The following RLBP1 variants were observed in gnomAD, a reference collection of about 807,000 sequenced individuals.
The protein encoded by RLBP1 is retinaldehyde binding protein 1, also known as retinaldehyde-binding protein 1.
Under a neutral mutation model 36.2 loss-of-function variants are expected in RLBP1, and 26 were observed. The observed-to-expected ratio is 0.72, with a 90% CI of 0.53 to 1.00. The LOEUF (loss-of-function observed/expected upper bound fraction) is 1.00, where lower values mean the gene tolerates loss of function less well. Ranked by LOEUF, RLBP1 falls within the 50% of genes least tolerant of loss-of-function variation. The pLI, the probability that RLBP1 is intolerant of heterozygous loss-of-function variation, is 0.00. For synonymous variants in RLBP1, 155 were observed against 156.2 expected (o/e 0.99, Z 0.06); for missense variants, 410 against 402.4 (o/e 1.02, Z -0.16).
intron 6 of RLBP1, among the ~76,000 whole-genome samples, chr15:89,212,264 T>C (rs2051544518): frequency 6.6e-6 from 1 of 152,162 alleles, no homozygotes; most frequent in African/African-American, 2.4e-5. Context: ...TATATTATTG[T>C]AGAATATAAT....
intron 4 of RLBP1, 147 bp from the exon 5 acceptor site, chr15:89,217,471 A>G (rs1314430056): frequency 1.3e-6 from 1 of 750,340 alleles, no homozygotes; most frequent in Non-Finnish European, 2.3e-6. Flanking sequence ...CCCCAGGGGC[A>G]GCATCTGCAC....
In RLBP1 at chr15:89,210,229, A is replaced by G; in HGVS notation, c.*56T>C. The G allele has an allele frequency of 6.2e-7, 1 of 1,601,052 alleles. No homozygotes were observed. Among genetic ancestry groups the G allele is most frequent in the Non-Finnish European group, 8.5e-7 (1 of 1,171,558 alleles). On this transcript the variant is annotated 3_prime_UTR_variant, in exon 9 of 9. Transcript: ENST00000268125. This position sits in a 1 kb window ranked among gnomAD's most constrained non-coding sequence, Gnocchi z 4.7. ...GCCCTTTCCTAGCCTTGGGTCCAGG[A>G]CAGTTGAGGAGAGGCCCAGAGATTC...
intron 6 of RLBP1, among the ~76,000 whole-genome samples, chr15:89,212,791 C>T (rs945821807): frequency 4.6e-4 from 69 of 151,280 alleles, no homozygotes; most frequent in African/African-American, 1.6e-3. Context: ...TGCAGTGGTG[C>T]GATCTTGGCT....
At chr15:89,217,836 G>A (rs1280421705) in intron 4 of RLBP1, among the ~76,000 whole-genome samples, 1 of 152,188 alleles carries the variant, frequency 6.6e-6, no homozygotes, top group Non-Finnish European at 1.5e-5. Flanking sequence ...CTGGCAGATG[G>A]CAGCCTGCCT....
At chr15:89,219,101 G>A in intron 2 of RLBP1, 26 bp from the exon 3 acceptor site, 1 of 1,089,326 alleles carries the variant, frequency 9.2e-7, no homozygotes, top group Non-Finnish European at 1.4e-6. Flanking sequence ...AAACCATTCT[G>A]TTATTGTCTC....
chr15:89,209,997 A>G lies in RLBP1; in HGVS notation c.*288T>C. The G allele has an allele frequency of 2.1e-6, 1 of 473,420 alleles. No homozygotes were observed. The highest frequency in any genetic ancestry group is 2.4e-5 in the South Asian group (1 of 42,026). 29.3% of individuals were successfully genotyped at this position (473,420 alleles called of 1,614,324 possible). On this transcript the variant is annotated 3_prime_UTR_variant, in exon 9 of 9. Coordinates refer to ENST00000268125, the MANE Select transcript of RLBP1 (RefSeq NM_000326.5). Reference sequence around the variant, plus strand: ...TGTTACAAAGGAAATGACTGAGAAAATGAATTCGAGTCTTTGAAATACAAC... The same window carrying G: ...TGTTACAAAGGAAATGACTGAGAAAGTGAATTCGAGTCTTTGAAATACAAC...
rs1411414410 is a variant in RLBP1 at position 89,210,474 on chromosome 15, C to A, written c.796-31G>T. 10 of 1,613,244 alleles carry A rather than the reference C, an allele frequency of 6.2e-6. No homozygotes were observed. The highest frequency in any genetic ancestry group is 7.6e-6 in the Non-Finnish European group (9 of 1,179,384). Reference sequence around the variant, plus strand: ...GGGAAGCAAGGGAGACAGAACTGAGCAGGAGGAGGTGCCCTAAGGATGAGG... The same window carrying A: ...GGGAAGCAAGGGAGACAGAACTGAGAAGGAGGAGGTGCCCTAAGGATGAGG... On this transcript the variant is annotated intron_variant, in intron 8 of 8. Transcript: ENST00000268125. The surrounding 1 kb of genome is among the most constrained non-coding windows in gnomAD (Gnocchi z 4.7).
At position 89,219,154 on chromosome 15, in the gene RLBP1, G is replaced by C. The variant is rs115944065; in HGVS notation, c.-100-79C>G. The C allele has an allele frequency of 2.3e-3, 1,690 of 738,762 alleles. 15 individuals carry two copies. The African/African-American group carries it at 0.024, about 11-fold the overall frequency. 45.8% of individuals were successfully genotyped at this position (738,762 alleles called of 1,614,324 possible). A position where few individuals can be genotyped will look rare whatever the true frequency, so the allele number is the denominator to read the frequency against. ...ACTTTCAATTGCATCAGAATCACCC[G>C]AGGCATTTGTTAGAAACGCAGGTGC... is the stretch of plus-strand genomic sequence containing the variant. On this transcript the variant is annotated intron_variant, in intron 2 of 8. Coordinates refer to ENST00000268125, the MANE Select transcript of RLBP1 (RefSeq NM_000326.5).
intron 1 of RLBP1, among the ~76,000 whole-genome samples, 190 bp from the exon 2 acceptor site, chr15:89,220,049 C>T (rs2051614212): frequency 6.6e-6 from 1 of 152,208 alleles, no homozygotes; most frequent in African/African-American, 2.4e-5. Context: ...AAGAACCCTT[C>T]ACCATCCTGC....
chr15:89,218,836 G>A lies in RLBP1; in HGVS notation c.12+128C>T. The A allele has an allele frequency of 6.7e-7, 1 of 1,497,526 alleles. No homozygotes were observed. The highest frequency in any genetic ancestry group is 1.4e-5 in the African/African-American group (1 of 72,906). 92.8% of individuals were successfully genotyped at this position (1,497,526 alleles called of 1,614,324 possible). On this transcript the variant is annotated intron_variant, in intron 3 of 8. Coordinates refer to ENST00000268125, the MANE Select transcript of RLBP1 (RefSeq NM_000326.5). This position sits in a 1 kb window ranked among gnomAD's most constrained non-coding sequence, Gnocchi z 4.6. ...TTTGTGGGGTCAGGACCCACACAGG[G>A]GTTATAGAAGTGTGTGCCTATATTC...
At position 89,210,520 on chromosome 15, in the gene RLBP1, G is replaced by C; in HGVS notation, c.796-77C>G. 6.6e-7 allele frequency: 1 copy of C among 1,513,624 alleles called. No homozygotes were observed. The highest frequency in any genetic ancestry group is 9.2e-7 in the Non-Finnish European group (1 of 1,091,540). The allele number at this position is 1,513,624 out of a possible 1,614,324, so 93.8% of individuals were successfully genotyped here. A position where few individuals can be genotyped will look rare whatever the true frequency, so the allele number is the denominator to read the frequency against. The stretch of plus-strand genomic sequence containing the variant: ...TGAGGGTTGAGGGAGGAAAGGGGCA[G>C]GAGGACAAAGCCCCATCATGTGCAG... On this transcript the variant is annotated intron_variant, in intron 8 of 8. Coordinates refer to ENST00000268125, the MANE Select transcript of RLBP1 (RefSeq NM_000326.5). The surrounding 1 kb of genome is among the most constrained non-coding windows in gnomAD (Gnocchi z 4.7).
chr15:89,212,051 C>A (rs2051542952), intron 6 of RLBP1, 150 bp from the exon 7 acceptor site: 1 of 832,224 alleles, frequency 1.2e-6, no homozygotes, highest in Non-Finnish European at 2.0e-6. Flanking sequence ...TGAATGTATA[C>A]CAAGAAAACA....
At chr15:89,212,748 A>ATTT (rs2051549523) in intron 6 of RLBP1, among the ~76,000 whole-genome samples, 3 of 145,764 alleles carry the variant, frequency 2.1e-5, no homozygotes, top group African/African-American at 7.6e-5. Context: ...TTTTTTTTTG[A>ATTT]GATGGAGTCT....
In RLBP1 at chr15:89,214,727, G is replaced by T. The variant is rs1323544468; in HGVS notation, c.525+333C>A. ...TAGTCCACTAATCCCTGTTCTCTCT[G>T]TTGCTCTCAGCATTTAGCATGTGGC... On this transcript the variant is annotated intron_variant, in intron 6 of 8. Transcript: ENST00000268125. This position sits in a 1 kb window ranked among gnomAD's most constrained non-coding sequence, Gnocchi z 4.6. Among the ~76,000 whole-genome samples the T allele has an allele frequency of 6.6e-6, 1 of 152,172 alleles. No individual in the cohort carries two copies. Among genetic ancestry groups the T allele is most frequent in the African/African-American group, 2.4e-5 (1 of 41,446 alleles).
chr15:89,215,222 C>T lies in RLBP1; in HGVS notation c.363G>A (p.Arg121=), dbSNP rs763353589. The T allele has an allele frequency of 7.7e-5, 124 of 1,614,024 alleles. 1 individual carries two copies. In the Admixed American group the frequency reaches 2.0e-3, roughly 26 times the overall value. ...TGTCAAAGAGCTCAGGGTACTGCAG[C>T]CGGAAATTCACATAGCCTGGAGGAA... is the stretch of plus-strand genomic sequence containing the variant. The part of the protein sequence containing the change: ...YELLRGYVNF[R]LQYPELFDSL... The change falls in exon 6 of 9, where the codon CGG becomes CGA. Residue 121 remains arginine, a synonymous_variant. Transcript: ENST00000268125.
At chr15:89,216,614 A>G (rs1316837512) in intron 5 of RLBP1, among the ~76,000 whole-genome samples, 1 of 152,194 alleles carries the variant, frequency 6.6e-6, no homozygotes, top group Non-Finnish European at 1.5e-5. Flanking sequence ...GAGCCACCGC[A>G]ACCGGCCGAT....
Position 89,210,448 on chromosome 15 carries a change from A to C in RLBP1, c.796-5T>G, listed in dbSNP as rs879724202. 1.2e-6 allele frequency: 2 copies of C among 1,614,138 alleles called. No homozygotes were observed. The highest frequency in any genetic ancestry group is 2.2e-5 in the East Asian group (1 of 44,874). On this transcript the variant is annotated splice_polypyrimidine_tract_variant and splice_region_variant and intron_variant, in intron 8 of 8. Coordinates refer to ENST00000268125, the MANE Select transcript of RLBP1 (RefSeq NM_000326.5). The surrounding 1 kb of genome is among the most constrained non-coding windows in gnomAD (Gnocchi z 4.7). ...GTCATCCCCGTGGACAAAGACCTGC[A>C]GGGAAGCAAGGGAGACAGAACTGAG...
chr15:89,217,217 G>A lies in RLBP1; in HGVS notation c.249C>T (p.Ala83=), dbSNP rs1287713907. The change falls in exon 5 of 9, where the codon GCC becomes GCT. Residue 83 remains alanine (A), a synonymous_variant. Transcript: ENST00000268125. ...QAASGEELAV[A]VAERVQEKDS... ...CCTTCTCTTGCACCCTCTCCGCCACGGCCACCGCCAGCTCCTCCCCCGAGG... is the reference window on the plus strand; with the variant it reads ...CCTTCTCTTGCACCCTCTCCGCCACAGCCACCGCCAGCTCCTCCCCCGAGG... 2 of 1,613,206 alleles carry A rather than the reference G, an allele frequency of 1.2e-6. No homozygotes were observed. The highest frequency in any genetic ancestry group is 8.5e-7 in the Non-Finnish European group (1 of 1,180,024).
At position 89,219,293 on chromosome 15, in the gene RLBP1, T is replaced by TG. The variant is rs141991244; in HGVS notation, c.-100-219dup. 1.7e-3 allele frequency among the ~76,000 whole-genome samples: 262 copies of TG among 152,284 alleles called. 1 individual carries two copies. The highest frequency in any genetic ancestry group is 0.01 in the Middle Eastern group (3 of 294). ...GGGAGATGGTTCTTGGGCTACACTT[T>TG]GGGAAACACTGCTTGGACAAAGGGC... is the stretch of plus-strand genomic sequence containing the variant. On this transcript the variant is annotated intron_variant, in intron 2 of 8. Coordinates refer to ENST00000268125, the MANE Select transcript of RLBP1 (RefSeq NM_000326.5).
Sources: gnomAD v4.1 joint callset for allele counts (sites outside exome capture counted in the v4.1 genomes callset) on GRCh38, gnomAD v4.1.1 for gene constraint, Gnocchi (gnomAD v3.1) non-coding constraint, MANE v1.5 for transcripts, NCBI Gene and HGNC (gene_info 2026-07-23, HGNC 2026-07-21) for gene names.